The following SCFD2 variants were observed in gnomAD, a reference collection of about 807,000 sequenced individuals.
The protein encoded by SCFD2 is sec1 family domain containing 2.
A neutral mutation model predicts 58.9 loss-of-function variants in SCFD2; 54 were observed. That is an observed-to-expected ratio of 0.92 (90% CI 0.74 to 1.15). The LOEUF (loss-of-function observed/expected upper bound fraction) is 1.15, where lower values mean the gene tolerates loss of function less well. Among genes scored for constraint, SCFD2 ranks in the 50% most tolerant of loss-of-function variants. SCFD2 has a pLI of 0.00. For missense variants in SCFD2, 805 were observed against 836.6 expected, an observed-to-expected ratio of 0.96 and a Z score of 0.47; for synonymous variants, 321 against 335.9, an observed-to-expected ratio of 0.96 and a Z score of 0.49.
At chr4:53,168,552 A>T (rs1727082261) in intron 4 of SCFD2, among the ~76,000 whole-genome samples, 1 of 152,246 alleles carries the variant, frequency 6.6e-6, no homozygotes, top group African/African-American at 2.4e-5. Context: ...AAAATAAAAG[A>T]TGAAAGCAAA....
At chr4:53,260,262 T>C (rs1209954536) in intron 4 of SCFD2, among the ~76,000 whole-genome samples, 1 of 152,182 alleles carries the variant, frequency 6.6e-6, no homozygotes, top group African/African-American at 2.4e-5. Context: ...CTCCCAGTAC[T>C]ATGTTGAACA....
intron 4 of SCFD2, among the ~76,000 whole-genome samples, chr4:53,175,464 C>T (rs1293892882): frequency 6.6e-6 from 1 of 152,122 alleles, no homozygotes; most frequent in Non-Finnish European, 1.5e-5. Context: ...GTTCATATAA[C>T]TACTTCTGAA....
At chr4:52,897,046 G>A (rs1048676002) in intron 7 of SCFD2, among the ~76,000 whole-genome samples, 2 of 152,188 alleles carry the variant, frequency 1.3e-5, no homozygotes, top group African/African-American at 4.8e-5. Context: ...TCAGCTGAAG[G>A]AGATTTTGGG....
At chr4:53,246,905 C>A (rs1489200701) in intron 4 of SCFD2, among the ~76,000 whole-genome samples, 2 of 146,350 alleles carry the variant, frequency 1.4e-5, no homozygotes, top group African/African-American at 2.5e-5. Context: ...ACAGAGCAAA[C>A]ATACAGCCTA....
intron 5 of SCFD2, among the ~76,000 whole-genome samples, chr4:52,964,893 GGTATCA>G (rs1336842837): frequency 6.6e-6 from 1 of 152,014 alleles, no homozygotes; most frequent in Non-Finnish European, 1.5e-5. Context: ...TTTAGACAAT[GGTATCA>G]GTTCAGATCC....
chr4:53,153,396 A>T (rs1726571568), intron 4 of SCFD2, among the ~76,000 whole-genome samples: 1 of 152,228 alleles, frequency 6.6e-6, no homozygotes. Flanking sequence ...CCAGAGCAGC[A>T]ACTAAAGTAG....
chr4:53,303,038 T>C (rs1022087951), intron 3 of SCFD2, among the ~76,000 whole-genome samples: 12 of 152,200 alleles, frequency 7.9e-5, no homozygotes, highest in Admixed American at 7.2e-4. Flanking sequence ...GACATAGGCA[T>C]GGGCAAGGAC....
intron 5 of SCFD2, among the ~76,000 whole-genome samples, chr4:53,010,879 C>G (rs1343477535): frequency 6.6e-6 from 1 of 152,050 alleles, no homozygotes; most frequent in Non-Finnish European, 1.5e-5. Context: ...TCAGTTATGT[C>G]CTTAGAATGG....
intron 3 of SCFD2, among the ~76,000 whole-genome samples, chr4:53,307,200 T>G (rs1732542555): frequency 6.6e-6 from 1 of 152,160 alleles, no homozygotes; most frequent in Non-Finnish European, 1.5e-5. Context: ...AAGTCCTGGA[T>G]CTGCAAAAGT....
At chr4:53,102,754 C>T (rs1163485170) in intron 5 of SCFD2, among the ~76,000 whole-genome samples, 2 of 152,018 alleles carry the variant, frequency 1.3e-5, no homozygotes, top group African/African-American at 4.8e-5. Context: ...CATTTTTATA[C>T]ATGATTTTCA....
intron 2 of SCFD2, among the ~76,000 whole-genome samples, chr4:53,335,939 CT>C (rs1463122647): frequency 6.6e-6 from 1 of 152,160 alleles, no homozygotes; most frequent in Non-Finnish European, 1.5e-5. Context: ...TAAAAATGCT[CT>C]GAGTAATCTC....
At chr4:53,349,628 C>T (rs572728112) in intron 2 of SCFD2, among the ~76,000 whole-genome samples, 9 of 152,290 alleles carry the variant, frequency 5.9e-5, no homozygotes, top group Admixed American at 2.6e-4. Context: ...AATGAGATTC[C>T]AAGATTGGCT....
chr4:53,267,824 G>A (rs1035575518), intron 4 of SCFD2, among the ~76,000 whole-genome samples: 8 of 152,098 alleles, frequency 5.3e-5, no homozygotes, highest in Admixed American at 2.0e-4. Context: ...TAGTCTAAGA[G>A]TCTAATATGG....
intron 4 of SCFD2, among the ~76,000 whole-genome samples, chr4:53,242,900 C>T (rs1560406327): frequency 6.6e-6 from 1 of 152,086 alleles, no homozygotes; most frequent in Admixed American, 6.6e-5. Flanking sequence ...TGAAGACAGG[C>T]TTTCTGAAAT....
intron 4 of SCFD2, among the ~76,000 whole-genome samples, chr4:53,246,233 T>C (rs1473326980): frequency 6.6e-6 from 1 of 152,184 alleles, no homozygotes; most frequent in South Asian, 2.1e-4. Context: ...TGCTCATGGA[T>C]AGGAAGAATC....
intron 5 of SCFD2, among the ~76,000 whole-genome samples, chr4:53,012,112 C>A (rs1373935512): frequency 2.6e-5 from 4 of 151,322 alleles, no homozygotes; most frequent in Non-Finnish European, 5.9e-5. Flanking sequence ...CAAGAAAGAT[C>A]CTGGCAGAAG....
At position 53,010,058 on chromosome 4, in the gene SCFD2, C is replaced by A. The variant is rs552004601; in HGVS notation, c.1562-89188G>T. Among the ~76,000 whole-genome samples, 98 of 152,298 alleles carry A rather than the reference C, an allele frequency of 6.4e-4. 1 individual carries two copies. The highest frequency in any genetic ancestry group is 6.8e-3 in the Middle Eastern group (2 of 294). On this transcript the variant is annotated intron_variant, in intron 5 of 8. Coordinates refer to ENST00000401642, the MANE Select transcript of SCFD2 (RefSeq NM_152540.4). ...TTCCTCTCTGAGATTAGATTAGAGACCATCTTATTCTACCTCATATCCTCC... is the reference window on the plus strand; with the variant it reads ...TTCCTCTCTGAGATTAGATTAGAGAACATCTTATTCTACCTCATATCCTCC...
chr4:53,101,454 G>A (rs1330352453), intron 5 of SCFD2, among the ~76,000 whole-genome samples: 1 of 152,152 alleles, frequency 6.6e-6, no homozygotes, highest in Admixed American at 6.6e-5. Context: ...AGTTTAAAAT[G>A]TATCTGCTGA....
chr4:52,887,391 CAAAG>C (rs1026047166), intron 7 of SCFD2, among the ~76,000 whole-genome samples: 1 of 152,096 alleles, frequency 6.6e-6, no homozygotes, highest in African/African-American at 2.4e-5. Flanking sequence ...GAGAATAACT[CAAAG>C]TAACCACTCA....
Sources: gnomAD v4.1 joint callset for allele counts (sites outside exome capture counted in the v4.1 genomes callset) on GRCh38, gnomAD v4.1.1 for gene constraint, MANE v1.5 for transcripts, NCBI Gene and HGNC (gene_info 2026-07-23, HGNC 2026-07-21) for gene names.